The following RASGRP3 variants were observed in gnomAD, a reference collection of about 807,000 sequenced individuals.
RASGRP3 encodes the protein RAS guanyl releasing protein 3.
Under a neutral mutation model 82.7 loss-of-function variants are expected in RASGRP3, and 54 were observed. The ratio of observed to expected loss-of-function variants is 0.65; its 90% CI spans 0.52 to 0.82. The LOEUF (loss-of-function observed/expected upper bound fraction) is 0.82. RASGRP3 is among the 40% of genes least tolerant of loss of function. The pLI, the probability that RASGRP3 is intolerant of heterozygous loss-of-function variation, is 0.00. For missense variants in RASGRP3, 861 were observed against 828.9 expected (o/e 1.04, Z -0.48); for synonymous variants, 309 against 300.5 (o/e 1.03, Z -0.29).
chr2:33,438,836 G>A lies in RASGRP3; in HGVS notation c.-385+2245G>A, dbSNP rs535678961. 9.2e-5 allele frequency among the ~76,000 whole-genome samples: 14 copies of A among 152,192 alleles called. No individual in the cohort carries two copies. In the South Asian group the frequency reaches 2.7e-3, roughly 29 times the overall value. The stretch of plus-strand genomic sequence containing the variant: ...TTACATAATAATAGAGCCAACCCTG[G>A]CCTTCACATTTAAATACAAGTAAAA... On this transcript the variant is annotated intron_variant, in intron 1 of 18. Coordinates refer to the RASGRP3 transcript ENST00000402538.
intron 1 of RASGRP3, among the ~76,000 whole-genome samples, chr2:33,484,353 A>G (rs1379071589): frequency 6.6e-6 from 1 of 152,238 alleles, no homozygotes; most frequent in African/African-American, 2.4e-5. Flanking sequence ...AACAGTTTTA[A>G]ATAAGAATTG....
chr2:33,445,562 T>A (rs1277629891), intron 1 of RASGRP3, among the ~76,000 whole-genome samples: 1 of 152,172 alleles, frequency 6.6e-6, no homozygotes, highest in African/African-American at 2.4e-5. Flanking sequence ...AAATAGTGAC[T>A]GCATACTGCA....
In RASGRP3 at chr2:33,512,280, G is replaced by A. The variant is rs568191185; in HGVS notation, c.-128+438G>A. Among the ~76,000 whole-genome samples the A allele has an allele frequency of 3.3e-5, 5 of 152,300 alleles. No homozygotes were observed. In the South Asian group the frequency reaches 8.3e-4, roughly 25 times the overall value. ...CCAGGTTATCTCTAACCCCTTATGG[G>A]GATGTGAACACCTTCCCCAGACAGC... On this transcript the variant is annotated intron_variant, in intron 2 of 17. Coordinates refer to ENST00000403687, the MANE Select transcript of RASGRP3 (RefSeq NM_001139488.2).
intron 1 of RASGRP3, among the ~76,000 whole-genome samples, chr2:33,500,330 T>A (rs1053397388): frequency 8.5e-5 from 13 of 152,066 alleles, no homozygotes; most frequent in African/African-American, 3.1e-4. Context: ...TTTGGAAAGA[T>A]TGATTTGGGC....
intron 13 of RASGRP3, among the ~76,000 whole-genome samples, chr2:33,543,965 G>A (rs1674504433): frequency 6.6e-6 from 1 of 152,044 alleles, no homozygotes. Context: ...ATCTAACCTG[G>A]GAGAGTCCTC....
At chr2:33,446,901 T>C (rs1214989970) in intron 1 of RASGRP3, among the ~76,000 whole-genome samples, 3 of 151,682 alleles carry the variant, frequency 2.0e-5, no homozygotes, top group South Asian at 2.1e-4. Context: ...CCCAGCACTT[T>C]GGGAGGCCGA....
At chr2:33,466,533 G>C (rs1463765057) in intron 2 of RASGRP3, among the ~76,000 whole-genome samples, 2 of 152,120 alleles carry the variant, frequency 1.3e-5, no homozygotes, top group Non-Finnish European at 2.9e-5. Flanking sequence ...ACAAAAATTG[G>C]CCGGGCATGG....
intron 1 of RASGRP3, among the ~76,000 whole-genome samples, chr2:33,440,266 G>A (rs1220748597): frequency 2.6e-5 from 4 of 152,194 alleles, no homozygotes; most frequent in African/African-American, 7.2e-5. Flanking sequence ...TCGATGTCAA[G>A]CCTTTTATCT....
intron 15 of RASGRP3, among the ~76,000 whole-genome samples, chr2:33,555,997 A>C (rs369978954): frequency 6.6e-6 from 1 of 152,230 alleles, no homozygotes; most frequent in African/African-American, 2.4e-5. Context: ...AAAAACGAGG[A>C]GAAAACTTAA....
At chr2:33,484,411 A>G (rs972872529) in intron 1 of RASGRP3, among the ~76,000 whole-genome samples, 1 of 152,346 alleles carries the variant, frequency 6.6e-6, no homozygotes, top group African/African-American at 2.4e-5. Flanking sequence ...CATGAGTTCA[A>G]TTTGACTGAA....
intron 2 of RASGRP3, among the ~76,000 whole-genome samples, chr2:33,451,643 C>G (rs999540339): frequency 7.2e-5 from 11 of 151,976 alleles, no homozygotes; most frequent in Admixed American, 5.2e-4. Flanking sequence ...TTTACTGCTG[C>G]TTTCAAAGTT....
rs190747493 is a variant in RASGRP3, at chr2:33,549,689, A to T, written c.1480A>T (p.Ile494Phe). The T allele has an allele frequency of 2.2e-5, 36 of 1,613,966 alleles. No individual in the cohort carries two copies. The South Asian group carries it at 3.8e-4, about 17-fold the overall frequency. The change falls in exon 14 of 18, where the codon ATC becomes TTC. Residue 494 changes from isoleucine to phenylalanine, a missense_variant. Coordinates refer to ENST00000403687, the MANE Select transcript of RASGRP3 (RefSeq NM_001139488.2). ...QLHCKMGPGF[I>F]HNFQEMTYLK... ...ACACTGTAAAATGGGACCAGGATTT[A>T]TCCATAATTTTCAGGAGATGACCTA... is the stretch of plus-strand genomic sequence containing the variant.
intron 1 of RASGRP3, among the ~76,000 whole-genome samples, chr2:33,440,962 G>A (rs944494512): frequency 2.6e-5 from 4 of 151,948 alleles, no homozygotes; most frequent in Non-Finnish European, 5.9e-5. Flanking sequence ...GCACAAGCTC[G>A]GCTTGCTGCA....
chr2:33,438,115 A>G (rs576293752), intron 1 of RASGRP3, among the ~76,000 whole-genome samples: 5 of 152,260 alleles, frequency 3.3e-5, no homozygotes, highest in Non-Finnish European at 7.3e-5. Context: ...ACACATTCAC[A>G]TGTTTACATT....
intron 2 of RASGRP3, among the ~76,000 whole-genome samples, chr2:33,455,815 G>A (rs973499037): frequency 2.0e-5 from 3 of 152,180 alleles, no homozygotes; most frequent in Admixed American, 6.6e-5. Flanking sequence ...CCACTATTCA[G>A]GAAAGGAATC....
intron 1 of RASGRP3, among the ~76,000 whole-genome samples, chr2:33,487,531 A>G (rs1668499974): frequency 6.6e-6 from 1 of 152,208 alleles, no homozygotes; most frequent in Non-Finnish European, 1.5e-5. Context: ...CCATTAACCT[A>G]TATAGGGAAA....
intron 1 of RASGRP3, among the ~76,000 whole-genome samples, chr2:33,487,316 GAA>G (rs1416138371): frequency 6.6e-6 from 1 of 152,020 alleles, no homozygotes; most frequent in Non-Finnish European, 1.5e-5. Flanking sequence ...ACAGATCAGA[GAA>G]AGAAAAATAC....
intron 4 of RASGRP3, 121 bp from the exon 5 acceptor site, chr2:33,519,831 T>G (rs1671845938): frequency 1.6e-6 from 1 of 636,312 alleles, no homozygotes. Flanking sequence ...TCTCCGTATT[T>G]GAGTGTCTAT....
intron 6 of RASGRP3, among the ~76,000 whole-genome samples, chr2:33,521,651 C>T (rs1412717983): frequency 2.0e-5 from 3 of 152,222 alleles, no homozygotes; most frequent in Admixed American, 1.3e-4. Flanking sequence ...TCCTGATAAA[C>T]TCCCAAATTT....
Sources: gnomAD v4.1 joint callset for allele counts (sites outside exome capture counted in the v4.1 genomes callset) on GRCh38, gnomAD v4.1.1 for gene constraint, MANE v1.5 for transcripts, NCBI Gene and HGNC (gene_info 2026-07-23, HGNC 2026-07-21) for gene names.